VPS13B: variants seen among roughly 807,000 people sequenced by gnomAD.
VPS13B encodes vacuolar protein sorting 13 homolog B.
VPS13B carries 285 observed loss-of-function variants against 426.4 expected under a neutral mutation model. The ratio of observed to expected loss-of-function variants is 0.67; its 90% CI spans 0.61 to 0.74. The LOEUF (loss-of-function observed/expected upper bound fraction) is 0.74, where lower values mean the gene tolerates loss of function less well. VPS13B is among the 30% of genes least tolerant of loss of function. The probability of loss-of-function intolerance (pLI) is 0.00; values close to 1 mark genes in which losing one functional copy is unlikely to be tolerated. For synonymous variants in VPS13B, 1,676 were observed against 1,676.4 expected (o/e 1.00, Z 0.01); for missense variants, 4,537 against 4,782.6 (o/e 0.95, Z 1.51).
intron 59 of VPS13B, among the ~76,000 whole-genome samples, chr8:99,870,445 A>G (rs1030452087): frequency 3.9e-5 from 6 of 152,202 alleles, no homozygotes; most frequent in African/African-American, 1.4e-4. Context: ...TGCATGAGCC[A>G]CCACACCAGA....
chr8:99,665,058 C>G (rs1044340101), intron 35 of VPS13B, among the ~76,000 whole-genome samples: 1 of 152,196 alleles, frequency 6.6e-6, no homozygotes, highest in Admixed American at 6.5e-5. Flanking sequence ...TTGCATTTCT[C>G]TGATGGCCAA....
chr8:99,314,947 C>A (rs1457776043), intron 19 of VPS13B, among the ~76,000 whole-genome samples: 1 of 151,880 alleles, frequency 6.6e-6, no homozygotes, highest in Non-Finnish European at 1.5e-5. Flanking sequence ...TATAGCTGTT[C>A]CTGCTCTTTT....
At chr8:99,048,099 T>C (rs1843327010) in intron 3 of VPS13B, among the ~76,000 whole-genome samples, 1 of 152,264 alleles carries the variant, frequency 6.6e-6, no homozygotes, top group Non-Finnish European at 1.5e-5. Context: ...TTGATATTAT[T>C]GTTGACCCAA....
chr8:99,277,418 A>G (rs1818954650), intron 19 of VPS13B, among the ~76,000 whole-genome samples: 1 of 152,114 alleles, frequency 6.6e-6, no homozygotes. Flanking sequence ...CATAAGTACT[A>G]TTTTTATGCC....
rs1815140012 is a variant in VPS13B at position 99,832,588 on chromosome 8, G to C, written c.9550G>C (p.Glu3184Gln). The C allele has an allele frequency of 6.2e-7, 1 of 1,613,824 alleles. No homozygotes were observed. Among genetic ancestry groups the C allele is most frequent in the African/African-American group, 1.3e-5 (1 of 74,854 alleles). ...CWSLPAIVRPEFPRQSVAVPL... is the reference protein window; with the variant it reads ...CWSLPAIVRPQFPRQSVAVPL... ...GAGCCTGCCAGCTATAGTTAGACCA[G>C]AGTTTCCCAGACAGAGTGTGGCAGT... is the stretch of plus-strand genomic sequence containing the variant. The change falls in exon 52 of 62, where the codon GAG becomes CAG. Residue 3184 changes from glutamate to glutamine, a missense_variant. Glu to Gln is a conservative substitution (Grantham distance 29). Around this residue, in one of 2 missense-constraint regions of VPS13B, gnomAD observed 4,311 missense variants for 4,474.3 expected, o/e 0.96. Transcript: ENST00000357162.
At chr8:99,429,154 T>C (rs1278772753) in intron 21 of VPS13B, among the ~76,000 whole-genome samples, 1 of 151,892 alleles carries the variant, frequency 6.6e-6, no homozygotes, top group Non-Finnish European at 1.5e-5. Flanking sequence ...TGGGGAGGGA[T>C]AGCATTTGGA....
At chr8:99,153,796 T>A (rs931105865) in intron 14 of VPS13B, among the ~76,000 whole-genome samples, 4 of 152,116 alleles carry the variant, frequency 2.6e-5, no homozygotes, top group African/African-American at 4.8e-5. Context: ...TTTTTTTTTA[T>A]GTAGATGTGA....
intron 41 of VPS13B, among the ~76,000 whole-genome samples, chr8:99,777,476 A>G (rs1368026912): frequency 5.9e-5 from 9 of 152,160 alleles, no homozygotes; most frequent in African/African-American, 1.9e-4. Context: ...CTTATTCACT[A>G]TCACGAGAAC....
At position 99,150,370 on chromosome 8, in the gene VPS13B, G is replaced by A. The variant is rs539876958; in HGVS notation, c.2013+2360G>A. ...ACAGAGTAGTATGTTTGTTACAATT[G>A]ATGAACCTGTATTGACACATCAGTA... is the stretch of plus-strand genomic sequence containing the variant. On this transcript the variant is annotated intron_variant, in intron 14 of 61. Coordinates refer to ENST00000357162, the MANE Select transcript of VPS13B (RefSeq NM_152564.5). Among the ~76,000 whole-genome samples, 16 of 152,252 alleles carry A rather than the reference G, an allele frequency of 1.1e-4. No individual in the cohort carries two copies. In the South Asian group the frequency reaches 3.3e-3, roughly 32 times the overall value.
At chr8:99,571,415 A>G (rs982382455) in intron 31 of VPS13B, among the ~76,000 whole-genome samples, 3 of 152,180 alleles carry the variant, frequency 2.0e-5, no homozygotes, top group Non-Finnish European at 4.4e-5. Context: ...TACCAGAGAT[A>G]TCATAAAACT....
At chr8:99,600,623 C>T (rs1245736116) in intron 33 of VPS13B, among the ~76,000 whole-genome samples, 6 of 152,032 alleles carry the variant, frequency 3.9e-5, no homozygotes, top group African/African-American at 7.2e-5. Context: ...ATTCAGATAA[C>T]GAAAGCATAA....
chr8:99,581,513 A>C (rs1422541049), intron 33 of VPS13B, among the ~76,000 whole-genome samples: 2 of 152,170 alleles, frequency 1.3e-5, no homozygotes, highest in Admixed American at 1.3e-4. Context: ...GCCTGTATTC[A>C]TACTATTAGA....
intron 36 of VPS13B, among the ~76,000 whole-genome samples, chr8:99,714,138 CAA>C (rs1166159886): frequency 2.3e-4 from 15 of 65,108 alleles, no homozygotes; most frequent in Admixed American, 3.4e-4. Flanking sequence ...GACTCTGTCT[CAA>C]AAAAAAAAAA....
At chr8:99,415,162 T>C (rs1159726497) in intron 21 of VPS13B, among the ~76,000 whole-genome samples, 1 of 151,852 alleles carries the variant, frequency 6.6e-6, no homozygotes, top group Non-Finnish European at 1.5e-5. Context: ...AAGTTGATCT[T>C]CAATCTCTGA....
chr8:99,111,345 G>A, intron 6 of VPS13B, 66 bp downstream of exon 6: 2 of 1,313,644 alleles, frequency 1.5e-6, no homozygotes, highest in Non-Finnish European at 2.1e-6. Flanking sequence ...TCTTGTGGAT[G>A]CTAATCATTA....
At chr8:99,676,810 T>C (rs1205482338) in intron 35 of VPS13B, among the ~76,000 whole-genome samples, 1 of 152,044 alleles carries the variant, frequency 6.6e-6, no homozygotes, top group East Asian at 1.9e-4. Flanking sequence ...TGCAAGAAGA[T>C]TCAAAGCAAA....
chr8:99,232,664 T>G (rs976338946), intron 17 of VPS13B, among the ~76,000 whole-genome samples: 5 of 152,222 alleles, frequency 3.3e-5, no homozygotes, highest in African/African-American at 1.2e-4. Context: ...TGCACACATG[T>G]ACAGAGATTT....
intron 33 of VPS13B, among the ~76,000 whole-genome samples, chr8:99,590,834 C>T (rs1232655619): frequency 6.6e-6 from 1 of 151,878 alleles, no homozygotes; most frequent in Non-Finnish European, 1.5e-5. Flanking sequence ...TGAGGAGTTA[C>T]GTAGATGTCT....
rs1294434086 is a variant in VPS13B at position 99,681,445 on chromosome 8, T to A, written c.6047-18080T>A. ...AGTCCCTCCAGGGTGAGGGACTTTG[T>A]GGCCTACTAACGTACGTCTTGTACA... On this transcript the variant is annotated intron_variant, in intron 35 of 61. Coordinates refer to ENST00000357162, the MANE Select transcript of VPS13B (RefSeq NM_152564.5). Among the ~76,000 whole-genome samples the A allele has an allele frequency of 5.3e-5, 8 of 152,222 alleles. No individual in the cohort carries two copies. The South Asian group carries it at 1.7e-3, about 32-fold the overall frequency.
Sources: allele counts gnomAD v4.1 joint callset (sites outside exome capture counted in the v4.1 genomes callset), GRCh38; gene constraint gnomAD v4.1.1; regional missense constraint gnomAD v4.1.1; transcripts MANE v1.5; gene names NCBI Gene and HGNC (gene_info 2026-07-23, HGNC 2026-07-21).